CPPED1: variants seen among roughly 807,000 people sequenced by gnomAD.
CPPED1 encodes serine/threonine-protein phosphatase CPPED1.
A neutral mutation model predicts 28.0 loss-of-function variants in CPPED1; 28 were observed. That is an observed-to-expected ratio of 1.00 (90% CI 0.74 to 1.37). CPPED1 has a LOEUF of 1.37. Among genes scored for constraint, CPPED1 ranks in the 40% most tolerant of loss-of-function variants. CPPED1 has a pLI of 0.00. For missense variants in CPPED1, 504 were observed against 416.5 expected (o/e 1.21, Z -1.83); for synonymous variants, 198 against 180.2 (o/e 1.10, Z -0.79).
Position 12,683,722 on chromosome 16 carries a change from A to G in CPPED1, c.716-18607T>C, listed in dbSNP as rs1467081481. ...ACACGCTTACCCCCATCTCCTCTCCATCCTCAGTGTGATCTTCCTGGTTGC... is the reference window on the plus strand; with the variant it reads ...ACACGCTTACCCCCATCTCCTCTCCGTCCTCAGTGTGATCTTCCTGGTTGC... On this transcript the variant is annotated intron_variant, in intron 3 of 3. Transcript: ENST00000381774. Among the ~76,000 whole-genome samples, 3 of 151,856 alleles carry G rather than the reference A, an allele frequency of 2.0e-5. No individual in the cohort carries two copies. The South Asian group carries it at 6.2e-4, about 32-fold the overall frequency.
chr16:12,687,209 G>A (rs1442548975), intron 3 of CPPED1, among the ~76,000 whole-genome samples: 1 of 151,874 alleles, frequency 6.6e-6, no homozygotes, highest in Non-Finnish European at 1.5e-5. Flanking sequence ...ATTTTTTCAT[G>A]TTTTGAGAAA....
chr16:12,795,236 C>T (rs1007843006), intron 1 of CPPED1, among the ~76,000 whole-genome samples: 4 of 152,356 alleles, frequency 2.6e-5, no homozygotes, highest in African/African-American at 9.6e-5. Context: ...GGTAACCCTT[C>T]CCCCGGGCAG....
At chr16:12,796,824 T>C (rs2080630487) in intron 1 of CPPED1, among the ~76,000 whole-genome samples, 2 of 152,140 alleles carry the variant, frequency 1.3e-5, no homozygotes, top group South Asian at 4.1e-4. Flanking sequence ...CCCAGATGCG[T>C]GAAATGTCCA....
intron 3 of CPPED1, among the ~76,000 whole-genome samples, chr16:12,665,862 T>C (rs555713272): frequency 5.9e-5 from 9 of 152,140 alleles, no homozygotes; most frequent in South Asian, 2.1e-4. Context: ...GAGGTGGAGG[T>C]TGCAGTGAGC....
rs2080069037 is a variant in CPPED1, at chr16:12,709,547, T to C, written c.290-4498A>G. 6.6e-6 allele frequency among the ~76,000 whole-genome samples: 1 copy of C among 152,232 alleles called. No homozygotes were observed. Among genetic ancestry groups the C allele is most frequent in the African/African-American group, 2.4e-5 (1 of 41,454 alleles). ...AAGCATGATAACGATAATTACAAAA[T>C]TCTTATTTGTATCAGTGGTACTGTG... On this transcript the variant is annotated intron_variant, in intron 2 of 3. Coordinates refer to ENST00000381774, the MANE Select transcript of CPPED1 (RefSeq NM_018340.3). This position sits in a 1 kb window ranked among gnomAD's most constrained non-coding sequence, Gnocchi z 4.4.
At chr16:12,678,063 C>T (rs886535118) in intron 3 of CPPED1, among the ~76,000 whole-genome samples, 9 of 152,318 alleles carry the variant, frequency 5.9e-5, no homozygotes, top group South Asian at 2.1e-4. Context: ...AAAAAGAATA[C>T]ACTTGGGTAA....
chr16:12,688,036 T>C (rs1281914436), intron 3 of CPPED1, among the ~76,000 whole-genome samples: 1 of 151,864 alleles, frequency 6.6e-6, no homozygotes, highest in Non-Finnish European at 1.5e-5. Flanking sequence ...CACACTATTT[T>C]TTTTTTTTTT....
intron 2 of CPPED1, among the ~76,000 whole-genome samples, chr16:12,706,164 T>C (rs1292383547): frequency 1.3e-5 from 2 of 151,968 alleles, no homozygotes; most frequent in Non-Finnish European, 2.9e-5. Flanking sequence ...CTTTAATATA[T>C]AGTAAGTTAA....
chr16:12,665,115 C>A lies in CPPED1; in HGVS notation c.716G>T (p.Gly239Val). The A allele has an allele frequency of 6.3e-7, 1 of 1,589,386 alleles. No individual in the cohort carries two copies. Among genetic ancestry groups the A allele is most frequent in the Non-Finnish European group, 8.5e-7 (1 of 1,172,710 alleles). ...GTGGCCTGAGAACACGACTTTGACACCTGCAGAGAAGGGAAAAAGTCATTA... is the reference window on the plus strand; with the variant it reads ...GTGGCCTGAGAACACGACTTTGACAACTGCAGAGAAGGGAAAAAGTCATTA... ...KKLADKFIHA[G>V]VKVVFSGHYH... Residue 239 changes from glycine to valine, a missense_variant and splice_region_variant, in exon 4 of 4, where the codon GGT becomes GTT. Coordinates refer to ENST00000381774, the MANE Select transcript of CPPED1 (RefSeq NM_018340.3).
intron 2 of CPPED1, among the ~76,000 whole-genome samples, chr16:12,721,884 A>AGTGTTTACTTTG (rs2080142912): frequency 6.6e-6 from 1 of 152,202 alleles, no homozygotes; most frequent in South Asian, 2.1e-4. Flanking sequence ...GAGACCTTCA[A>AGTGTTTACTTTG]AATATTTTCT....
At chr16:12,774,897 C>CT (rs1331290037) in intron 2 of CPPED1, among the ~76,000 whole-genome samples, 1 of 152,194 alleles carries the variant, frequency 6.6e-6, no homozygotes, top group Non-Finnish European at 1.5e-5. Context: ...TCACGGCTCA[C>CT]TGAAGCTTGG....
chr16:12,704,927 T>C lies in CPPED1; in HGVS notation c.412A>G (p.Thr138Ala). The change falls in exon 3 of 4, where the codon ACC becomes GCC. Residue 138 changes from threonine (T) to alanine (A), a missense_variant. Transcript: ENST00000381774. Reference sequence around the variant, plus strand: ...CAAGTCCGGCAGAACTCCTCGACGGTCTCGGCCGTGGGGGTGTTGCCAATG... The same window carrying C: ...CAAGTCCGGCAGAACTCCTCGACGGCCTCGGCCGTGGGGGTGTTGCCAATG... ...HDIGNTPTAE[T>A]VEEFCRTWGD... 3 of 1,614,104 alleles carry C rather than the reference T, an allele frequency of 1.9e-6. No homozygotes were observed. Among genetic ancestry groups the C allele is most frequent in the South Asian group, 2.2e-5 (2 of 91,072 alleles).
intron 2 of CPPED1, among the ~76,000 whole-genome samples, chr16:12,722,052 G>A (rs2080143911): frequency 1.3e-5 from 2 of 152,168 alleles, no homozygotes; most frequent in South Asian, 4.1e-4. Context: ...ATGCTGCTTA[G>A]TTAAAGAAAA....
chr16:12,757,381 G>A (rs2080377503), intron 2 of CPPED1: 1 of 151,966 alleles, frequency 6.6e-6, no homozygotes, highest in South Asian at 2.1e-4. Flanking sequence ...GGCCTACAGG[G>A]TTTGCCTACC....
intron 3 of CPPED1, among the ~76,000 whole-genome samples, chr16:12,703,555 G>A (rs777187301): frequency 2.0e-5 from 3 of 152,008 alleles, no homozygotes; most frequent in South Asian, 2.1e-4. Flanking sequence ...GGTGGTCAGC[G>A]TTTGTAATCC....
intron 2 of CPPED1, among the ~76,000 whole-genome samples, chr16:12,775,349 C>A (rs1359309771): frequency 6.6e-6 from 1 of 152,190 alleles, no homozygotes; most frequent in East Asian, 1.9e-4. Flanking sequence ...CAACAGAAAA[C>A]AGACTAAGAC....
At chr16:12,725,475 A>G (rs1003764056) in intron 2 of CPPED1, among the ~76,000 whole-genome samples, 6 of 151,996 alleles carry the variant, frequency 3.9e-5, no homozygotes, top group Non-Finnish European at 7.4e-5. Context: ...TTTTTTTCAC[A>G]CTACTTTGGA....
intron 2 of CPPED1, among the ~76,000 whole-genome samples, chr16:12,776,195 T>C (rs1265437146): frequency 6.6e-6 from 1 of 152,074 alleles, no homozygotes; most frequent in Non-Finnish European, 1.5e-5. Flanking sequence ...AAAGGTGCAA[T>C]GCTGCTGGCT....
chr16:12,688,283 T>C (rs1431372421), intron 3 of CPPED1, among the ~76,000 whole-genome samples: 1 of 151,324 alleles, frequency 6.6e-6, no homozygotes, highest in Non-Finnish European at 1.5e-5. Context: ...GAGAGAAATT[T>C]AAGTAATAAG....
Sources: gnomAD v4.1 joint callset for allele counts (sites outside exome capture counted in the v4.1 genomes callset) on GRCh38, gnomAD v4.1.1 for gene constraint, Gnocchi (gnomAD v3.1) non-coding constraint, MANE v1.5 for transcripts, NCBI Gene and HGNC (gene_info 2026-07-23, HGNC 2026-07-21) for gene names.